IMMP2L: variants seen among roughly 807,000 people sequenced by gnomAD.
IMMP2L encodes the protein inner mitochondrial membrane peptidase subunit 2.
A neutral mutation model predicts 19.3 loss-of-function variants in IMMP2L; 18 were observed. The ratio of observed to expected loss-of-function variants is 0.93; its 90% CI spans 0.64 to 1.38. The LOEUF (loss-of-function observed/expected upper bound fraction) is 1.38. IMMP2L is among the 40% of genes most tolerant of loss of function. The pLI, the probability that IMMP2L is intolerant of heterozygous loss-of-function variation, is 0.00. For missense variants in IMMP2L, 233 were observed against 218.2 expected (o/e 1.07, Z -0.43); for synonymous variants, 76 against 73.0 (o/e 1.04, Z -0.21).
chr7:111,501,963 C>T (rs902690970), intron 2 of IMMP2L, among the ~76,000 whole-genome samples: 13 of 152,144 alleles, frequency 8.5e-5, no homozygotes, highest in Non-Finnish European at 1.5e-4. Flanking sequence ...ACCAAATTCA[C>T]ACATAACAAT....
intron 3 of IMMP2L, among the ~76,000 whole-genome samples, chr7:110,974,479 T>C (rs1470758217): frequency 6.6e-6 from 1 of 152,170 alleles, no homozygotes; most frequent in Non-Finnish European, 1.5e-5. Flanking sequence ...ATAAAATGCC[T>C]TTCTGAAAAA....
rs540220806 is a variant in IMMP2L at position 110,985,243 on chromosome 7, A to G, written c.240-21678T>C. ...ACTACAGAACTATAACATAATAAACATTTGTTGTTTTAAGTCACTAAGTCT... is the reference window on the plus strand; with the variant it reads ...ACTACAGAACTATAACATAATAAACGTTTGTTGTTTTAAGTCACTAAGTCT... On this transcript the variant is annotated intron_variant, in intron 3 of 5. Coordinates refer to ENST00000405709, the MANE Select transcript of IMMP2L (RefSeq NM_032549.4). 5.3e-5 allele frequency among the ~76,000 whole-genome samples: 8 copies of G among 152,192 alleles called. No homozygotes were observed. The East Asian group carries it at 9.7e-4, about 18-fold the overall frequency.
At position 111,389,832 on chromosome 7, in the gene IMMP2L, A is replaced by T. The variant is rs200844675; in HGVS notation, c.239+97406T>A. Among the ~76,000 whole-genome samples the T allele has an allele frequency of 1.4e-4, 21 of 152,262 alleles. 1 individual carries two copies. Among genetic ancestry groups the T allele is most frequent in the Non-Finnish European group, 3.1e-4 (21 of 68,004 alleles). On this transcript the variant is annotated intron_variant, in intron 3 of 5. Coordinates refer to ENST00000405709, the MANE Select transcript of IMMP2L (RefSeq NM_032549.4). ...CTGCTCTGAATTTTGAATATAAAAA[A>T]GTATGCTTGTGCTAGAGGCTAATAC... is the stretch of plus-strand genomic sequence containing the variant.
intron 3 of IMMP2L, among the ~76,000 whole-genome samples, chr7:110,966,151 T>C (rs1819522742): frequency 6.6e-6 from 1 of 152,062 alleles, no homozygotes; most frequent in Admixed American, 6.6e-5. Context: ...AATGTATGGA[T>C]TGAAACCGTA....
chr7:111,227,643 T>TA (rs1241397688), intron 3 of IMMP2L, among the ~76,000 whole-genome samples: 2 of 152,234 alleles, frequency 1.3e-5, no homozygotes, highest in East Asian at 3.9e-4. Context: ...TTAATAAAGC[T>TA]ACTCCCATAC....
At chr7:110,730,160 T>C (rs969516599) in intron 5 of IMMP2L, among the ~76,000 whole-genome samples, 1 of 152,146 alleles carries the variant, frequency 6.6e-6, no homozygotes, top group Non-Finnish European at 1.5e-5. Flanking sequence ...CAAATTATTG[T>C]TCCTGGGTGC....
intron 3 of IMMP2L, among the ~76,000 whole-genome samples, chr7:111,188,270 C>T (rs1808487907): frequency 6.6e-6 from 1 of 152,110 alleles, no homozygotes; most frequent in South Asian, 2.1e-4. Context: ...CTGCGATTAA[C>T]AAAGTGCCAT....
At chr7:111,088,077 C>T (rs181133166) in intron 3 of IMMP2L, among the ~76,000 whole-genome samples, 45 of 152,238 alleles carry the variant, frequency 3.0e-4, no homozygotes, top group East Asian at 7.7e-4. Flanking sequence ...GACATTGTGG[C>T]TCTAAAACCC....
At position 111,112,446 on chromosome 7, in the gene IMMP2L, A is replaced by C. The variant is rs114374628; in HGVS notation, c.240-148881T>G. Among the ~76,000 whole-genome samples the C allele has an allele frequency of 9.5e-3, 1,438 of 151,978 alleles. 23 individuals are homozygous for C. The highest frequency in any genetic ancestry group is 0.032 in the African/African-American group (1,333 of 41,462). ...AACACGAGTGTTAGGGAAAGAGCTCATGTCCTGTACAGTAATGAATTTCCA... is the reference window on the plus strand; with the variant it reads ...AACACGAGTGTTAGGGAAAGAGCTCCTGTCCTGTACAGTAATGAATTTCCA... On this transcript the variant is annotated intron_variant, in intron 3 of 5. Transcript: ENST00000405709.
In IMMP2L at chr7:111,306,488, TA is replaced by T. The variant is rs1234822773; in HGVS notation, c.239+180749del. Among the ~76,000 whole-genome samples, 3 of 152,296 alleles carry T rather than the reference TA, an allele frequency of 2.0e-5. No individual in the cohort carries two copies. In the East Asian group the frequency reaches 5.8e-4, roughly 29 times the overall value. ...AACTTCTCTAAAAATTATGTCTATTTAAAAAATTCTAGCATAAATCTGTCTT... is the reference window on the plus strand; with the variant it reads ...AACTTCTCTAAAAATTATGTCTATTTAAAAATTCTAGCATAAATCTGTCTT... On this transcript the variant is annotated intron_variant, in intron 3 of 5. Transcript: ENST00000405709.
At position 111,282,610 on chromosome 7, in the gene IMMP2L, G is replaced by A. The variant is rs534821473; in HGVS notation, c.239+204628C>T. On this transcript the variant is annotated intron_variant, in intron 3 of 5. Transcript: ENST00000405709. ...TGATTTTTTTTTTCTTTTTAAGACA[G>A]GGTCTCTCTGTCACCTAGGCTAGAG... is the stretch of plus-strand genomic sequence containing the variant. Among the ~76,000 whole-genome samples the A allele has an allele frequency of 7.9e-5, 12 of 151,670 alleles. 1 individual carries two copies. The South Asian group carries it at 1.0e-3, about 13-fold the overall frequency.
At chr7:111,249,362 CCTCGCCCTGCTTCGGCT>C (rs1329585384) in intron 3 of IMMP2L, among the ~76,000 whole-genome samples, 1 of 142,950 alleles carries the variant, frequency 7.0e-6, no homozygotes, top group African/African-American at 2.7e-5. Context: ...TGAGGCAATG[CCTCGCCCTGCTTCGGCT>C]CGCGCACGGT....
chr7:111,491,383 G>C (rs1466130931), intron 2 of IMMP2L, among the ~76,000 whole-genome samples: 1 of 152,066 alleles, frequency 6.6e-6, no homozygotes, highest in Non-Finnish European at 1.5e-5. Flanking sequence ...CGTTGTTCAA[G>C]AGTGAACTGC....
chr7:111,095,759 C>T (rs1200803095), intron 3 of IMMP2L, among the ~76,000 whole-genome samples: 1 of 151,962 alleles, frequency 6.6e-6, no homozygotes, highest in African/African-American at 2.4e-5. Flanking sequence ...CTTGGTTTCA[C>T]TGTAAATAAT....
intron 3 of IMMP2L, among the ~76,000 whole-genome samples, chr7:111,386,884 A>T (rs1290383124): frequency 1.3e-5 from 2 of 152,174 alleles, no homozygotes; most frequent in Admixed American, 6.6e-5. Flanking sequence ...AATTAGGCAT[A>T]AAATAACCCC....
At chr7:111,117,575 G>T (rs962215446) in intron 3 of IMMP2L, among the ~76,000 whole-genome samples, 3 of 151,914 alleles carry the variant, frequency 2.0e-5, no homozygotes, top group African/African-American at 7.3e-5. Context: ...TGAAAAACTG[G>T]AAAAGAAATA....
At chr7:110,911,380 G>T (rs1043157189) in intron 4 of IMMP2L, among the ~76,000 whole-genome samples, 1 of 151,912 alleles carries the variant, frequency 6.6e-6, no homozygotes, top group African/African-American at 2.4e-5. Flanking sequence ...TTCCCTCCAA[G>T]GGTTTCTAAA....
intron 5 of IMMP2L, among the ~76,000 whole-genome samples, chr7:110,809,454 T>C (rs993275195): frequency 7.9e-5 from 12 of 151,984 alleles, no homozygotes; most frequent in African/African-American, 2.9e-4. Context: ...CTAGTATTTA[T>C]GGATAACTTG....
chr7:111,184,662 C>T (rs980440262), intron 3 of IMMP2L, among the ~76,000 whole-genome samples: 2 of 152,042 alleles, frequency 1.3e-5, no homozygotes, highest in African/African-American at 2.4e-5. Flanking sequence ...CTATAAATGT[C>T]ACAAGTGCAA....
Sources: gnomAD v4.1 joint callset for allele counts (sites outside exome capture counted in the v4.1 genomes callset) on GRCh38, gnomAD v4.1.1 for gene constraint, MANE v1.5 for transcripts, NCBI Gene and HGNC (gene_info 2026-07-23, HGNC 2026-07-21) for gene names.